FAM163A: variants seen among roughly 807,000 people sequenced by gnomAD.
FAM163A encodes protein FAM163A.
A neutral mutation model predicts 12.0 loss-of-function variants in FAM163A; 7 were observed. That is an observed-to-expected ratio of 0.58 (90% CI 0.33 to 1.10). FAM163A has a LOEUF of 1.10. FAM163A is among the 50% of genes least tolerant of loss of function. The probability of loss-of-function intolerance (pLI) is 0.03; values close to 1 mark genes in which losing one functional copy is unlikely to be tolerated. For synonymous variants in FAM163A, 101 were observed against 91.0 expected (o/e 1.11, Z -0.62); for missense variants, 202 against 218.6 (o/e 0.92, Z 0.48).
chr1:179,763,008 G>GCCCT (rs1687019069), intron 1 of FAM163A, among the ~76,000 whole-genome samples: 3 of 152,162 alleles, frequency 2.0e-5, no homozygotes, highest in African/African-American at 7.2e-5. Context: ...CTCTACATGG[G>GCCCT]AGATACTTAG....
chr1:179,730,080 G>A, the FAM163A span: 1 of 152,298 alleles, frequency 6.6e-6, no homozygotes. Flanking sequence ...CAAAAAGAAA[G>A]ACAGGTTAGG....
intron 1 of FAM163A, among the ~76,000 whole-genome samples, chr1:179,754,429 C>T (rs1421111145): frequency 1.3e-5 from 2 of 152,060 alleles, no homozygotes; most frequent in East Asian, 3.9e-4. Flanking sequence ...GGTTCCAGCC[C>T]TCATGATATT....
chr1:179,812,331 A>C (rs1205535360), intron 3 of FAM163A, among the ~76,000 whole-genome samples, 200 bp downstream of exon 3: 2 of 152,194 alleles, frequency 1.3e-5, no homozygotes, highest in Non-Finnish European at 2.9e-5. Context: ...AGCCAGGACC[A>C]GTCTCCCCAG....
upstream of FAM163A, among the ~76,000 whole-genome samples, chr1:179,741,514 A>G (rs542500414): frequency 8.0e-4 from 122 of 152,376 alleles, no homozygotes; most frequent in African/African-American, 2.7e-3. Context: ...AATAGCCCCA[A>G]TGGGAAAAAC....
At chr1:179,746,589 CA>C (rs1684494773) in intron 1 of FAM163A, among the ~76,000 whole-genome samples, 1 of 152,180 alleles carries the variant, frequency 6.6e-6, no homozygotes, top group Non-Finnish European at 1.5e-5. Flanking sequence ...ACTATAGACA[CA>C]AAACCTAATC....
At chr1:179,805,544 C>CAA (rs201616237) in intron 1 of FAM163A, among the ~76,000 whole-genome samples, 6 of 127,210 alleles carry the variant, frequency 4.7e-5, no homozygotes, top group African/African-American at 1.4e-4. Flanking sequence ...AACTCCGTCT[C>CAA]AAAAAAAAAA....
chr1:179,744,668 G>A (rs746770006), intron 1 of FAM163A, among the ~76,000 whole-genome samples: 5 of 152,162 alleles, frequency 3.3e-5, no homozygotes, highest in Admixed American at 6.5e-5. Context: ...CGGGGACGCA[G>A]TCATCCAACC....
In FAM163A at chr1:179,767,607, G is replaced by GA. The variant is rs563727801; in HGVS notation, c.-136+24191dup. On this transcript the variant is annotated intron_variant, in intron 1 of 4. Coordinates refer to ENST00000341785, the MANE Select transcript of FAM163A (RefSeq NM_173509.3). ...CACTTTCTTTTGTTTCTCTTGGTGA[G>GA]AAAAAAACCCCTGTCCCCCACTCCT... is the stretch of plus-strand genomic sequence containing the variant. Among the ~76,000 whole-genome samples the GA allele has an allele frequency of 4.3e-3, 651 of 152,096 alleles. 11 individuals carry two copies. The highest frequency in any genetic ancestry group is 0.015 in the African/African-American group (624 of 41,486).
rs146189884 is a variant in FAM163A, at chr1:179,775,728, G to GA, written c.-135-32064dup. 8.5e-3 allele frequency among the ~76,000 whole-genome samples: 1,287 copies of GA among 152,260 alleles called. 18 individuals are homozygous for GA. Among genetic ancestry groups the GA allele is most frequent in the African/African-American group, 0.03 (1,240 of 41,548 alleles). On this transcript the variant is annotated intron_variant, in intron 1 of 4. Transcript: ENST00000341785. Reference sequence around the variant, plus strand: ...ATAAATATCAGTAGGATAGATGGATGAAAAAATAAAAGAATATATTGTCTT... The same window carrying GA: ...ATAAATATCAGTAGGATAGATGGATGAAAAAAATAAAAGAATATATTGTCTT...
chr1:179,799,484 A>G (rs751190563), intron 1 of FAM163A, among the ~76,000 whole-genome samples: 2 of 152,268 alleles, frequency 1.3e-5, no homozygotes, highest in Non-Finnish European at 2.9e-5. Flanking sequence ...CATAGCAAGA[A>G]CGACTCTGGT....
chr1:179,762,119 T>C (rs1686900954), intron 1 of FAM163A, among the ~76,000 whole-genome samples: 1 of 152,142 alleles, frequency 6.6e-6, no homozygotes, highest in Non-Finnish European at 1.5e-5. Context: ...TCTTGTTGAA[T>C]GGATGGATGG....
chr1:179,760,591 C>A (rs1379305384), intron 1 of FAM163A, among the ~76,000 whole-genome samples: 1 of 152,142 alleles, frequency 6.6e-6, no homozygotes, highest in African/African-American at 2.4e-5. Context: ...CATGGCAGGG[C>A]AGAAGCATCA....
At chr1:179,793,348 G>A (rs1691796790) in intron 1 of FAM163A, among the ~76,000 whole-genome samples, 1 of 152,166 alleles carries the variant, frequency 6.6e-6, no homozygotes, top group Non-Finnish European at 1.5e-5. Flanking sequence ...TTATTTGAAA[G>A]CAGGTTATAC....
In FAM163A at chr1:179,813,683, A is replaced by G. The variant is rs567036463; in HGVS notation, c.94-96A>G. On this transcript the variant is annotated intron_variant, in intron 4 of 4. Coordinates refer to ENST00000341785, the MANE Select transcript of FAM163A (RefSeq NM_173509.3). ...TTCAGTGCCTGGCACTAGGTTCTCC[A>G]TGGAGCAGGGGACAGGGGCACCTGT... The G allele has an allele frequency of 5.6e-6, 8 of 1,417,934 alleles. No homozygotes were observed. In the African/African-American group the frequency reaches 7.1e-5, roughly 13 times the overall value. The allele number at this position is 1,417,934 out of a possible 1,614,324, so 87.8% of individuals were successfully genotyped here.
At chr1:179,794,126 C>G (rs551427752) in intron 1 of FAM163A, among the ~76,000 whole-genome samples, 1 of 152,352 alleles carries the variant, frequency 6.6e-6, no homozygotes, top group South Asian at 2.1e-4. Context: ...CTCTTGGCCA[C>G]CTTGTGCCTC....
intron 1 of FAM163A, among the ~76,000 whole-genome samples, chr1:179,744,770 G>A (rs948058687): frequency 1.3e-5 from 2 of 152,154 alleles, no homozygotes; most frequent in South Asian, 2.1e-4. Flanking sequence ...CTGAGATTCC[G>A]AGGGGGCCGC....
chr1:179,769,816 A>G (rs1023346539), intron 1 of FAM163A, among the ~76,000 whole-genome samples: 1 of 151,434 alleles, frequency 6.6e-6, no homozygotes, highest in African/African-American at 2.4e-5. Flanking sequence ...TTTCTTACTT[A>G]TAAACAGTTT....
intron 1 of FAM163A, among the ~76,000 whole-genome samples, chr1:179,805,256 GC>G (rs1428096111): frequency 1.3e-5 from 2 of 152,242 alleles, no homozygotes; most frequent in East Asian, 3.9e-4. Context: ...GCTGGCTCAC[GC>G]CTGTAATCCT....
In FAM163A at chr1:179,758,701, G is replaced by C. The variant is rs1392142584; in HGVS notation, c.-136+15278G>C. ...ACTTTTAGCAGGTATGCACTGGTAG[G>C]GCCATGCAGATTGTTAAAATTTTTA... On this transcript the variant is annotated intron_variant, in intron 1 of 4. Transcript: ENST00000341785. Among the ~76,000 whole-genome samples the C allele has an allele frequency of 2.6e-5, 4 of 152,286 alleles. No individual in the cohort carries two copies. The South Asian group carries it at 8.3e-4, about 32-fold the overall frequency.
Sources: allele counts gnomAD v4.1 joint callset (sites outside exome capture counted in the v4.1 genomes callset), GRCh38; gene constraint gnomAD v4.1.1; transcripts MANE v1.5; gene names NCBI Gene and HGNC (gene_info 2026-07-23, HGNC 2026-07-21).